Variants in GOLIM4 observed in about 807,000 individuals in gnomAD.
The protein encoded by GOLIM4 is 130 kDa golgi-localized phosphoprotein.
In GOLIM4, 71 loss-of-function variants were observed where a neutral mutation model predicts 107.4. That is an observed-to-expected ratio of 0.66 (90% CI 0.55 to 0.81). The LOEUF (loss-of-function observed/expected upper bound fraction) is 0.81. GOLIM4 is among the 30% of genes least tolerant of loss of function. The pLI is 0.00. For missense variants in GOLIM4, 830 were observed against 826.1 expected, an observed-to-expected ratio of 1.00 and a Z score of -0.06; for synonymous variants, 327 against 294.8, an observed-to-expected ratio of 1.11 and a Z score of -1.12.
At position 168,075,971 on chromosome 3, in the gene GOLIM4, C is replaced by T. The variant is rs186012371; in HGVS notation, c.187+19128G>A. ...ACAAACATACATATATAATAATATACACATACATACATATATACACACACA... is the reference window on the plus strand; with the variant it reads ...ACAAACATACATATATAATAATATATACATACATACATATATACACACACA... On this transcript the variant is annotated intron_variant, in intron 1 of 15. Coordinates refer to ENST00000470487, the MANE Select transcript of GOLIM4 (RefSeq NM_014498.5). Among the ~76,000 whole-genome samples, 6 of 152,240 alleles carry T rather than the reference C, an allele frequency of 3.9e-5. No individual in the cohort carries two copies. The East Asian group carries it at 9.6e-4, about 24-fold the overall frequency.
In GOLIM4 at chr3:168,046,894, T is replaced by G. The variant is rs1719337426; in HGVS notation, c.312+56A>C. 4.2e-6 allele frequency: 4 copies of G among 956,082 alleles called. No individual in the cohort carries two copies. The African/African-American group carries it at 7.0e-5, about 17-fold the overall frequency. The allele number at this position is 956,082 out of a possible 1,614,324, so 59.2% of individuals were successfully genotyped here. ...AACTGTATTTCTCTCTCTTTCAAGT[T>G]TTATGAAAACAAATTAAGGAAAACA... On this transcript the variant is annotated intron_variant, in intron 3 of 15. Coordinates refer to ENST00000470487, the MANE Select transcript of GOLIM4 (RefSeq NM_014498.5).
chr3:168,053,901 G>T (rs918217201), intron 1 of GOLIM4, among the ~76,000 whole-genome samples: 2 of 151,998 alleles, frequency 1.3e-5, no homozygotes, highest in South Asian at 2.1e-4. Flanking sequence ...ATAAAAGAAA[G>T]AAATAAAAAG....
chr3:168,057,718 G>A (rs964934641), intron 1 of GOLIM4, among the ~76,000 whole-genome samples: 3 of 152,206 alleles, frequency 2.0e-5, no homozygotes, highest in Middle Eastern at 3.2e-3. Context: ...ATGAGTGAGT[G>A]AGTGAAGTAA....
Position 168,044,860 on chromosome 3 carries a change from T to C in GOLIM4, c.334A>G (p.Ser112Gly), listed in dbSNP as rs754513954. Residue 112 changes from serine to glycine, a missense_variant, in exon 4 of 16, where the codon AGT becomes GGT. By Grantham distance (56) the Ser-to-Gly change is moderately conservative. Coordinates refer to ENST00000470487, the MANE Select transcript of GOLIM4 (RefSeq NM_014498.5). The stretch of plus-strand genomic sequence containing the variant: ...ATCTGATGTTGGACATTCAGTGCAC[T>C]GTATCTGCTATTGGAATCTTGCTGT... ...KGRQDSNSRYSALNVQHQMLK... is the reference protein window; with the variant it reads ...KGRQDSNSRYGALNVQHQMLK... The C allele has an allele frequency of 5.1e-6, 8 of 1,553,840 alleles. No individual in the cohort carries two copies. The East Asian group carries it at 1.8e-4, about 35-fold the overall frequency.
At chr3:168,085,801 C>A (rs1039290079) in intron 1 of GOLIM4, among the ~76,000 whole-genome samples, 1 of 152,130 alleles carries the variant, frequency 6.6e-6, no homozygotes, top group Non-Finnish European at 1.5e-5. Flanking sequence ...TGACAGGTGA[C>A]TCCTATTTTT....
At chr3:168,053,893 AAAAG>A (rs972433470) in intron 1 of GOLIM4, among the ~76,000 whole-genome samples, 42 of 152,152 alleles carry the variant, frequency 2.8e-4, no homozygotes, top group Non-Finnish European at 1.0e-4. Flanking sequence ...CAACCCCCAT[AAAAG>A]AAAGAAATAA....
intron 1 of GOLIM4, among the ~76,000 whole-genome samples, chr3:168,079,987 A>G (rs987261546): frequency 6.6e-6 from 1 of 152,170 alleles, no homozygotes; most frequent in Admixed American, 6.5e-5. Flanking sequence ...CCTTTGTATT[A>G]TTGTTGCTAA....
At position 168,010,807 on chromosome 3, in the gene GOLIM4, G is replaced by A. The variant is rs768732929; in HGVS notation, c.1877C>T (p.Thr626Ile). 2 of 1,610,334 alleles carry A rather than the reference G, an allele frequency of 1.2e-6. No individual in the cohort carries two copies. The highest frequency in any genetic ancestry group is 1.7e-6 in the Non-Finnish European group (2 of 1,177,602). Residue 626 changes from threonine to isoleucine, a missense_variant, in exon 15 of 16, where the codon ACT becomes ATT. Transcript: ENST00000470487. ...EAEEEVQEDL[T>I]EEKKRELEHN... is the part of the protein sequence containing the mutation. Reference sequence around the variant, plus strand: ...CTCCAGTTCCCTTTTTTTCTCTTCAGTCAAATCTTCCTGAACCTAAAACAA... The same window carrying A: ...CTCCAGTTCCCTTTTTTTCTCTTCAATCAAATCTTCCTGAACCTAAAACAA...
At chr3:168,043,577 TGA>T in intron 4 of GOLIM4, 48 bp from the exon 5 acceptor site, 1 of 1,485,100 alleles carries the variant, frequency 6.7e-7, no homozygotes, top group Non-Finnish European at 9.1e-7. Flanking sequence ...CTGAATTATA[TGA>T]GAGTCTATTT....
intron 14 of GOLIM4, among the ~76,000 whole-genome samples, chr3:168,021,371 C>T (rs974610699): frequency 1.3e-5 from 2 of 152,022 alleles, no homozygotes; most frequent in Admixed American, 6.6e-5. Flanking sequence ...TTCTTCCAAT[C>T]GAAAAGCTTC....
rs769660365 is a variant in GOLIM4, at chr3:168,010,721, G to T, written c.1941+22C>A. On this transcript the variant is annotated intron_variant, in intron 15 of 15. Transcript: ENST00000470487. ...CCCACAAACACTCAAGTGCTCAATA[G>T]AAATATGTATCCCGGTCATACATTT... 3.3e-6 allele frequency: 5 copies of T among 1,532,862 alleles called. 1 individual carries two copies. In the South Asian group the frequency reaches 5.6e-5, roughly 17 times the overall value. The allele number at this position is 1,532,862 out of a possible 1,614,324, so 95.0% of individuals were successfully genotyped here. A position where few individuals can be genotyped will look rare whatever the true frequency, so the allele number is the denominator to read the frequency against.
In GOLIM4 at chr3:168,068,829, T is replaced by C. The variant is rs532990561; in HGVS notation, c.188-20464A>G. Among the ~76,000 whole-genome samples, 499 of 150,316 alleles carry C rather than the reference T, an allele frequency of 3.3e-3. 1 individual carries two copies. Among genetic ancestry groups the C allele is most frequent in the African/African-American group, 0.012 (481 of 40,414 alleles). ...TTTTCTGCACTTTAATTTATTTTAT[T>C]TTATTTTATTTTTTTTTTTTTTTTG... On this transcript the variant is annotated intron_variant, in intron 1 of 15. Transcript: ENST00000470487.
At chr3:168,020,022 C>T (rs1235787258) in intron 14 of GOLIM4, among the ~76,000 whole-genome samples, 1 of 152,066 alleles carries the variant, frequency 6.6e-6, no homozygotes, top group East Asian at 1.9e-4. Context: ...AAGAACTTCC[C>T]CACATCAACT....
chr3:168,011,029 A>G (rs1437000145), intron 14 of GOLIM4, among the ~76,000 whole-genome samples: 1 of 152,210 alleles, frequency 6.6e-6, no homozygotes, highest in Non-Finnish European at 1.5e-5. Flanking sequence ...GAAGAAATGT[A>G]TAAGGGAGGA....
intron 14 of GOLIM4, among the ~76,000 whole-genome samples, chr3:168,017,683 G>A (rs1482813521): frequency 2.0e-5 from 3 of 152,092 alleles, no homozygotes; most frequent in Non-Finnish European, 2.9e-5. Flanking sequence ...GATAGACACC[G>A]CTGCCTACAT....
intron 14 of GOLIM4, among the ~76,000 whole-genome samples, chr3:168,022,977 T>G (rs1002053616): frequency 2.0e-5 from 3 of 152,182 alleles, no homozygotes; most frequent in African/African-American, 7.2e-5. Context: ...TTAGCACCAT[T>G]TCTCCTTTCC....
Position 168,029,783 on chromosome 3 carries a change from A to G in GOLIM4, c.1430T>C (p.Leu477Pro). Residue 477 changes from leucine (L) to proline (P), a missense_variant, in exon 10 of 16, where the codon CTC (leucine) becomes CCC (proline). Transcript: ENST00000470487. ...EEGRPQHQEQ[L>P]RQQAHYDAMD... ...CATTAAGGAAGGGGAAGGCTACCGG[A>G]GCTGCTCCTGGTGCTGCGGCCGGCC... 6.2e-7 allele frequency: 1 copy of G among 1,613,156 alleles called. No individual in the cohort carries two copies. Among genetic ancestry groups the G allele is most frequent in the Non-Finnish European group, 8.5e-7 (1 of 1,179,666 alleles).
chr3:168,076,718 A>C (rs1233876634), intron 1 of GOLIM4, among the ~76,000 whole-genome samples: 2 of 151,838 alleles, frequency 1.3e-5, no homozygotes, highest in Non-Finnish European at 2.9e-5. Flanking sequence ...ATCAATCAAT[A>C]AAATGGTTAA....
intron 1 of GOLIM4, among the ~76,000 whole-genome samples, chr3:168,094,383 T>C (rs958238179): frequency 1.3e-5 from 2 of 152,204 alleles, no homozygotes; most frequent in African/African-American, 2.4e-5. Context: ...GTAACATACA[T>C]GCATCTCTGT....
Sources: gnomAD v4.1 joint callset for allele counts (sites outside exome capture counted in the v4.1 genomes callset) on GRCh38, gnomAD v4.1.1 for gene constraint, MANE v1.5 for transcripts, NCBI Gene and HGNC (gene_info 2026-07-23, HGNC 2026-07-21) for gene names.